Variants in PIEZO2 observed in about 807,000 individuals in gnomAD.
The protein encoded by PIEZO2 is piezo-type mechanosensitive ion channel component 2.
Under a neutral mutation model 337.3 loss-of-function variants are expected in PIEZO2, and 172 were observed. The observed-to-expected ratio is 0.51, with a 90% CI of 0.45 to 0.58. The LOEUF is 0.58. PIEZO2 is among the 20% of genes least tolerant of loss of function. The pLI, the probability that PIEZO2 is intolerant of heterozygous loss-of-function variation, is 0.00. For synonymous variants in PIEZO2, 1,251 were observed against 1,228.5 expected, an observed-to-expected ratio of 1.02 and a Z score of -0.38; for missense variants, 3,028 against 3,391.3, an observed-to-expected ratio of 0.89 and a Z score of 2.66.
At chr18:11,063,738 G>A (rs140540287) in intron 2 of PIEZO2, among the ~76,000 whole-genome samples, 1 of 152,332 alleles carries the variant, frequency 6.6e-6, no homozygotes, top group East Asian at 1.9e-4. Flanking sequence ...CTGCCCGGGA[G>A]CAGGGAGTGC....
intron 2 of PIEZO2, among the ~76,000 whole-genome samples, chr18:11,029,804 C>T (rs2036667093): frequency 6.6e-6 from 1 of 152,110 alleles, no homozygotes; most frequent in Non-Finnish European, 1.5e-5. Flanking sequence ...GTCTTGTTGA[C>T]CCCCTAGAAG....
In PIEZO2 at chr18:11,118,273, C is replaced by T. The variant is rs116263694; in HGVS notation, c.64+30252G>A. The stretch of plus-strand genomic sequence containing the variant: ...ACCTTGACTTCCACACAATCTGCCT[C>T]TCCAACGCTGGGACCTGGAGGGGCC... On this transcript the variant is annotated intron_variant, in intron 1 of 55. Coordinates refer to ENST00000674853, the MANE Select transcript of PIEZO2 (RefSeq NM_001378183.1). 4.7e-3 allele frequency among the ~76,000 whole-genome samples: 718 copies of T among 152,346 alleles called. 6 individuals carry two copies. Among genetic ancestry groups the T allele is most frequent in the African/African-American group, 0.016 (668 of 41,580 alleles).
chr18:10,829,980 A>G (rs1375928362), intron 7 of PIEZO2, among the ~76,000 whole-genome samples: 3 of 152,006 alleles, frequency 2.0e-5, no homozygotes, highest in African/African-American at 7.2e-5. Flanking sequence ...AAGACCCAGA[A>G]TGACCACAGT....
At chr18:11,140,868 A>T (rs2040624558) in intron 1 of PIEZO2, among the ~76,000 whole-genome samples, 1 of 152,186 alleles carries the variant, frequency 6.6e-6, no homozygotes, top group Admixed American at 6.5e-5. Flanking sequence ...AGCAGAAGTG[A>T]TTCTTGCAGC....
chr18:11,075,933 G>C (rs1009212827), intron 1 of PIEZO2, among the ~76,000 whole-genome samples: 20 of 152,030 alleles, frequency 1.3e-4, no homozygotes, highest in Admixed American at 1.2e-3. Flanking sequence ...GGGACTACAG[G>C]TGCCCGCCAC....
rs1350020219 is a variant in PIEZO2 at position 11,128,086 on chromosome 18, G to A, written c.64+20439C>T. On this transcript the variant is annotated intron_variant, in intron 1 of 55. Coordinates refer to ENST00000674853, the MANE Select transcript of PIEZO2 (RefSeq NM_001378183.1). The surrounding 1 kb of genome is among the most constrained non-coding windows in gnomAD (Gnocchi z 4.1). ...TTGACACTCCTGATTCACCACTCAT[G>A]ACAGGCAAGGAGTTTAGTGACTCTA... Among the ~76,000 whole-genome samples, 2 of 152,114 alleles carry A rather than the reference G, an allele frequency of 1.3e-5. No individual in the cohort carries two copies. Among genetic ancestry groups the A allele is most frequent in the Non-Finnish European group, 2.9e-5 (2 of 68,034 alleles).
chr18:10,914,783 C>G (rs1017855873), intron 3 of PIEZO2, among the ~76,000 whole-genome samples: 1 of 152,096 alleles, frequency 6.6e-6, no homozygotes, highest in Non-Finnish European at 1.5e-5. Context: ...ATCCGGTCAA[C>G]AGAATTGAAA....
chr18:10,701,135 C>T (rs1221182979), intron 43 of PIEZO2, among the ~76,000 whole-genome samples: 1 of 152,264 alleles, frequency 6.6e-6, no homozygotes, highest in East Asian at 1.9e-4. Context: ...AAGAAAGATA[C>T]TCCTGGATAA....
chr18:10,819,921 T>C lies in PIEZO2; in HGVS notation c.918-12647A>G, dbSNP rs1023511076. On this transcript the variant is annotated intron_variant, in intron 7 of 55. Transcript: ENST00000674853. The surrounding 1 kb of genome is among the most constrained non-coding windows in gnomAD (Gnocchi z 4.3). ...ATCTTTATTTGACCTTCATTTCTTC[T>C]ACCTACATTCTCAGATACAGAATTA... Among the ~76,000 whole-genome samples, 3 of 152,208 alleles carry C rather than the reference T, an allele frequency of 2.0e-5. No homozygotes were observed. The highest frequency in any genetic ancestry group is 4.4e-5 in the Non-Finnish European group (3 of 68,024).
intron 15 of PIEZO2, 66 bp from the exon 16 acceptor site, chr18:10,787,250 T>C: frequency 2.1e-6 from 3 of 1,397,768 alleles, no homozygotes; most frequent in Non-Finnish European, 2.8e-6. Context: ...CACAAAAATA[T>C]TTGGTTTAAT....
Position 11,094,370 on chromosome 18 carries a change from G to A in PIEZO2, c.65-28148C>T, listed in dbSNP as rs1031243616. The stretch of plus-strand genomic sequence containing the variant: ...CACAGAGAAAAAGTAGTTTCAGTAG[G>A]ACTCAAAACCAGGGCTTTGAGTCAA... On this transcript the variant is annotated intron_variant, in intron 1 of 55. Coordinates refer to ENST00000674853, the MANE Select transcript of PIEZO2 (RefSeq NM_001378183.1). The surrounding 1 kb of genome is among the most constrained non-coding windows in gnomAD (Gnocchi z 4.4). Among the ~76,000 whole-genome samples the A allele has an allele frequency of 1.2e-4, 18 of 152,096 alleles. No individual in the cohort carries two copies. Among genetic ancestry groups the A allele is most frequent in the Non-Finnish European group, 2.4e-4 (16 of 68,010 alleles).
chr18:10,955,610 T>C lies in PIEZO2; in HGVS notation c.286+23925A>G, dbSNP rs191788751. Among the ~76,000 whole-genome samples the C allele has an allele frequency of 1.2e-4, 19 of 152,334 alleles. No individual in the cohort carries two copies. The East Asian group carries it at 2.5e-3, about 20-fold the overall frequency. On this transcript the variant is annotated intron_variant, in intron 3 of 55. Transcript: ENST00000674853. ...AAGATATCTGCTGAAACAGGAGCCC[T>C]GTGTATGAGAAGAACATCTGCTAAC...
chr18:10,748,729 T>C lies in PIEZO2; in HGVS notation c.4265-99A>G. 3 of 1,127,246 alleles carry C rather than the reference T, an allele frequency of 2.7e-6. No individual in the cohort carries two copies. Among genetic ancestry groups the C allele is most frequent in the Non-Finnish European group, 3.6e-6 (3 of 829,918 alleles). The allele number at this position is 1,127,246 out of a possible 1,614,324, so 69.8% of individuals were successfully genotyped here. On this transcript the variant is annotated intron_variant, in intron 29 of 55. Coordinates refer to ENST00000674853, the MANE Select transcript of PIEZO2 (RefSeq NM_001378183.1). This position sits in a 1 kb window ranked among gnomAD's most constrained non-coding sequence, Gnocchi z 5.1. ...TGGTCAGGCTTGGGAAATATAGGCATAAAAGCAGCATTCTGATGCTCTGAC... is the reference window on the plus strand; with the variant it reads ...TGGTCAGGCTTGGGAAATATAGGCACAAAAGCAGCATTCTGATGCTCTGAC...
intron 3 of PIEZO2, among the ~76,000 whole-genome samples, chr18:10,922,005 G>T (rs2043577934): frequency 6.6e-6 from 1 of 152,006 alleles, no homozygotes; most frequent in Admixed American, 6.5e-5. Context: ...AATGACAATG[G>T]TGCCCAAAAC....
rs148229139 is a variant in PIEZO2, at chr18:10,674,331, A to C, written c.8161+878T>G. On this transcript the variant is annotated intron_variant, in intron 54 of 55. Coordinates refer to ENST00000674853, the MANE Select transcript of PIEZO2 (RefSeq NM_001378183.1). ...TTGAGCAATCTGCATGTCCAGATGAAACATTTCTACAACTATTCCTGACTG... is the reference window on the plus strand; with the variant it reads ...TTGAGCAATCTGCATGTCCAGATGACACATTTCTACAACTATTCCTGACTG... Among the ~76,000 whole-genome samples, 190 of 152,366 alleles carry C rather than the reference A, an allele frequency of 1.2e-3. 1 individual carries two copies. The highest frequency in any genetic ancestry group is 4.5e-3 in the African/African-American group (187 of 41,580).
At chr18:10,776,315 T>C (rs1051133683) in intron 18 of PIEZO2, among the ~76,000 whole-genome samples, 2 of 152,242 alleles carry the variant, frequency 1.3e-5, no homozygotes, top group African/African-American at 4.8e-5. Flanking sequence ...AGGTGGTTTC[T>C]GTTAAGCAGT....
Position 10,702,127 on chromosome 18 carries a change from G to A in PIEZO2, c.6303C>T (p.Pro2101=). 6.5e-7 allele frequency: 1 copy of A among 1,536,448 alleles called. No individual in the cohort carries two copies. The highest frequency in any genetic ancestry group is 1.2e-5 in the South Asian group (1 of 83,918). ...TGTTCACCTCCACATTCTTATTCCA[G>A]GGAAAGAACCCAAATTGGAAGAAAT... ...VKYFFQFGFF[P]WNKNVEVNKD... Residue 2101 remains proline (P), a synonymous_variant, in exon 43 of 56, where the codon CCC becomes CCT. Transcript: ENST00000674853.
chr18:10,908,095 G>A (rs867712170), intron 4 of PIEZO2, among the ~76,000 whole-genome samples: 2 of 152,210 alleles, frequency 1.3e-5, no homozygotes, highest in Non-Finnish European at 2.9e-5. Flanking sequence ...CTGTGACTAC[G>A]TGTATTTATT....
At chr18:10,881,569 A>G (rs2042421153) in intron 4 of PIEZO2, among the ~76,000 whole-genome samples, 1 of 152,178 alleles carries the variant, frequency 6.6e-6, no homozygotes, top group South Asian at 2.1e-4. Flanking sequence ...TCTGTGCTCC[A>G]TGAAAGATTA....
Sources: gnomAD v4.1 joint callset for allele counts (sites outside exome capture counted in the v4.1 genomes callset) on GRCh38, gnomAD v4.1.1 for gene constraint, Gnocchi (gnomAD v3.1) non-coding constraint, MANE v1.5 for transcripts, NCBI Gene and HGNC (gene_info 2026-07-23, HGNC 2026-07-21) for gene names.